Variants in CPEB1 observed in about 807,000 individuals in gnomAD.
The protein encoded by CPEB1 is cytoplasmic polyadenylation element-binding protein 1.
CPEB1 carries 7 observed loss-of-function variants against 65.8 expected under a neutral mutation model. The ratio of observed to expected loss-of-function variants is 0.11; its 90% CI spans 0.06 to 0.20. CPEB1 has a LOEUF of 0.20. Among genes scored for constraint, CPEB1 ranks in the 10% least tolerant of loss-of-function variants. CPEB1 has a pLI of 1.00. For synonymous variants in CPEB1, 262 were observed against 260.0 expected, an observed-to-expected ratio of 1.01 and a Z score of -0.08; for missense variants, 551 against 712.2, an observed-to-expected ratio of 0.77 and a Z score of 2.58.
chr15:82,549,695 G>A lies in CPEB1; in HGVS notation c.1282-37C>T, dbSNP rs372174359. On this transcript the variant is annotated intron_variant, in intron 9 of 12. Coordinates refer to ENST00000684509, the MANE Select transcript of CPEB1 (RefSeq NM_001365242.1). ...CCAAAGGTGTATCAGCCCTGGCAGA[G>A]AGCCACAGAGAGAGAGGTGCTTGCA... The A allele has an allele frequency of 7.5e-6, 12 of 1,591,278 alleles. No individual in the cohort carries two copies. The African/African-American group carries it at 1.5e-4, about 20-fold the overall frequency.
intron 3 of CPEB1, among the ~76,000 whole-genome samples, chr15:82,602,108 A>C (rs544902567): frequency 6.6e-6 from 1 of 152,346 alleles, no homozygotes; most frequent in Non-Finnish European, 1.5e-5. Flanking sequence ...CATATGTTAG[A>C]CTATAAAGCA....
At chr15:82,602,191 T>C (rs891597951) in intron 3 of CPEB1, among the ~76,000 whole-genome samples, 34 of 152,024 alleles carry the variant, frequency 2.2e-4, no homozygotes, top group Admixed American at 5.9e-4. Context: ...AAGATAAAAA[T>C]TCATAACAAA....
At chr15:82,621,844 T>C (rs535751855) in intron 3 of CPEB1, among the ~76,000 whole-genome samples, 1 of 152,310 alleles carries the variant, frequency 6.6e-6, no homozygotes, top group East Asian at 1.9e-4. Flanking sequence ...AAACCTTACT[T>C]AGGACTGCTT....
chr15:82,549,431 G>A (rs1474460220), intron 10 of CPEB1, 29 bp downstream of exon 10: 1 of 1,613,566 alleles, frequency 6.2e-7, no homozygotes, highest in Admixed American at 1.7e-5. Flanking sequence ...GGCCAACCAA[G>A]CTTTCGCACA....
At chr15:82,648,109 C>A (rs936321928), upstream of CPEB1, 1 of 365,164 alleles carries the variant, frequency 2.7e-6, no homozygotes, top group Non-Finnish European at 4.9e-6. Flanking sequence ...CCTAGCAGGC[C>A]GAGCCGAGGA....
chr15:82,598,365 A>G (rs2042829905), intron 3 of CPEB1, among the ~76,000 whole-genome samples: 1 of 152,010 alleles, frequency 6.6e-6, no homozygotes, highest in South Asian at 2.1e-4. Flanking sequence ...ATGGTGGCGC[A>G]CACCTGTAAT....
At chr15:82,639,754 G>A (rs2046953876) in intron 1 of CPEB1, among the ~76,000 whole-genome samples, 1 of 152,106 alleles carries the variant, frequency 6.6e-6, no homozygotes, top group Non-Finnish European at 1.5e-5. Context: ...TATGGTTTAT[G>A]CTGAACATCG....
chr15:82,596,308 CTGACA>C (rs760965322), intron 3 of CPEB1, among the ~76,000 whole-genome samples: 5 of 152,152 alleles, frequency 3.3e-5, no homozygotes, highest in Admixed American at 6.5e-5. Context: ...AAATAAACTT[CTGACA>C]TGAGAAGATT....
intron 5 of CPEB1, among the ~76,000 whole-genome samples, chr15:82,557,135 T>C (rs2150975487): frequency 6.6e-6 from 1 of 152,320 alleles, no homozygotes; most frequent in African/African-American, 2.4e-5. Flanking sequence ...CCCCTACCTA[T>C]TCTAATTCAT....
chr15:82,559,821 C>T lies in CPEB1; in HGVS notation c.461-1835G>A, dbSNP rs191567560. On this transcript the variant is annotated intron_variant, in intron 4 of 12. Coordinates refer to ENST00000684509, the MANE Select transcript of CPEB1 (RefSeq NM_001365242.1). ...TCCTTTGGTCGGGTGTGGTGGCTCA[C>T]GCCTGTAATCCCAGCACTTTGGGAG... Among the ~76,000 whole-genome samples, 166 of 152,278 alleles carry T rather than the reference C, an allele frequency of 1.1e-3. 1 individual carries two copies. Among genetic ancestry groups the T allele is most frequent in the African/African-American group, 3.8e-3 (158 of 41,566 alleles).
In CPEB1 at chr15:82,555,844, C is replaced by T. The variant is rs374541521; in HGVS notation, c.940+26G>A. Reference sequence around the variant, plus strand: ...CTGCTCCCAAAATGAGGCCTCAGGCCTCACACATGCTCAAGGCACACTCAC... The same window carrying T: ...CTGCTCCCAAAATGAGGCCTCAGGCTTCACACATGCTCAAGGCACACTCAC... On this transcript the variant is annotated intron_variant, in intron 6 of 12. Transcript: ENST00000684509. 2.0e-5 allele frequency: 32 copies of T among 1,596,646 alleles called. No individual in the cohort carries two copies. The African/African-American group carries it at 2.4e-4, about 12-fold the overall frequency.
intron 4 of CPEB1, among the ~76,000 whole-genome samples, chr15:82,569,698 A>G (rs528091662): frequency 2.6e-4 from 40 of 152,338 alleles, no homozygotes; most frequent in African/African-American, 7.7e-4. Flanking sequence ...TATGGGCCCA[A>G]TGTTATAATG....
At chr15:82,604,572 T>G (rs1649197669) in intron 3 of CPEB1, among the ~76,000 whole-genome samples, 1 of 150,548 alleles carries the variant, frequency 6.6e-6, no homozygotes, top group African/African-American at 2.4e-5. Context: ...AGAATATTAC[T>G]AAAGAGACAG....
At chr15:82,589,123 G>C (rs1400357083) in intron 3 of CPEB1, among the ~76,000 whole-genome samples, 1 of 152,166 alleles carries the variant, frequency 6.6e-6, no homozygotes, top group Non-Finnish European at 1.5e-5. Context: ...CTTCTCACCT[G>C]AACTACTGCA....
At chr15:82,597,258 C>T (rs549481976) in intron 3 of CPEB1, among the ~76,000 whole-genome samples, 1 of 152,052 alleles carries the variant, frequency 6.6e-6, no homozygotes, top group African/African-American at 2.4e-5. Context: ...CCTGGAAGGT[C>T]GAGGCTGCAA....
intron 3 of CPEB1, among the ~76,000 whole-genome samples, chr15:82,579,446 T>C (rs1237548816): frequency 6.6e-6 from 1 of 152,018 alleles, no homozygotes; most frequent in Non-Finnish European, 1.5e-5. Flanking sequence ...AAAACAAGCA[T>C]TTCCAATAAA....
chr15:82,559,589 G>A (rs2037838103), intron 4 of CPEB1, among the ~76,000 whole-genome samples: 1 of 152,188 alleles, frequency 6.6e-6, no homozygotes, highest in African/African-American at 2.4e-5. Flanking sequence ...TATGTATGTT[G>A]TGGGATGTGG....
At chr15:82,564,325 G>A (rs2038762082) in intron 4 of CPEB1, among the ~76,000 whole-genome samples, 2 of 151,510 alleles carry the variant, frequency 1.3e-5, no homozygotes, top group Admixed American at 1.3e-4. Flanking sequence ...TCGCTCTGTT[G>A]CCCAGGCTGG....
At chr15:82,573,179 A>G in intron 3 of CPEB1, 1 of 1,532,420 alleles carries the variant, frequency 6.5e-7, no homozygotes, top group Admixed American at 2.0e-5. Context: ...CCCTGTGTCC[A>G]CAGGCACTCA....
Sources: allele counts gnomAD v4.1 joint callset (sites outside exome capture counted in the v4.1 genomes callset), GRCh38; gene constraint gnomAD v4.1.1; transcripts MANE v1.5; gene names NCBI Gene and HGNC (gene_info 2026-07-23, HGNC 2026-07-21).